PDSS2: variants seen among roughly 807,000 people sequenced by gnomAD.
PDSS2 encodes decaprenyl diphosphate synthase subunit 2.
A neutral mutation model predicts 44.5 loss-of-function variants in PDSS2; 31 were observed. The ratio of observed to expected loss-of-function variants is 0.70; its 90% CI spans 0.52 to 0.94. The LOEUF (loss-of-function observed/expected upper bound fraction) is 0.94, where lower values mean the gene tolerates loss of function less well. Ranked by LOEUF, PDSS2 falls within the 40% of genes least tolerant of loss-of-function variation. The probability of loss-of-function intolerance (pLI) is 0.00; values close to 1 mark genes in which losing one functional copy is unlikely to be tolerated. For synonymous variants in PDSS2, 157 were observed against 180.3 expected (o/e 0.87, Z 1.03); for missense variants, 452 against 482.2 (o/e 0.94, Z 0.59).
At chr6:107,218,557 G>T (rs1773494015) in intron 4 of PDSS2, among the ~76,000 whole-genome samples, 3 of 152,110 alleles carry the variant, frequency 2.0e-5, no homozygotes, top group Admixed American at 1.3e-4. Context: ...TTTGTTAAAT[G>T]AGTTATTGTC....
chr6:107,228,003 T>C (rs1215046058), intron 4 of PDSS2, among the ~76,000 whole-genome samples: 1 of 152,212 alleles, frequency 6.6e-6, no homozygotes. Context: ...TCTGAATGGC[T>C]TACTCTTGTC....
intron 2 of PDSS2, among the ~76,000 whole-genome samples, chr6:107,279,468 T>A (rs1775890923): frequency 6.6e-6 from 1 of 152,204 alleles, no homozygotes; most frequent in East Asian, 1.9e-4. Flanking sequence ...TTCACCAGGA[T>A]GAAATCAATA....
intron 3 of PDSS2, among the ~76,000 whole-genome samples, chr6:107,263,979 A>G (rs1775330125): frequency 6.6e-6 from 1 of 152,244 alleles, no homozygotes; most frequent in Non-Finnish European, 1.5e-5. Flanking sequence ...TGTATAAAAA[A>G]TATTAACCTT....
intron 2 of PDSS2, among the ~76,000 whole-genome samples, chr6:107,319,168 A>T (rs1408795453): frequency 1.3e-5 from 2 of 152,178 alleles, no homozygotes; most frequent in Non-Finnish European, 2.9e-5. Flanking sequence ...AAGTGGAAAA[A>T]TTAAACATGT....
intron 4 of PDSS2, among the ~76,000 whole-genome samples, chr6:107,212,868 G>A (rs537218898): frequency 6.6e-6 from 1 of 151,968 alleles, no homozygotes; most frequent in East Asian, 2.0e-4. Flanking sequence ...GCTAGGCAAG[G>A]GGGTGTGCCC....
intron 1 of PDSS2, among the ~76,000 whole-genome samples, chr6:107,405,805 C>G (rs1780297935): frequency 6.7e-6 from 1 of 150,102 alleles, no homozygotes; most frequent in Non-Finnish European, 1.5e-5. Flanking sequence ...CGAGATCCCG[C>G]CACTGCACTC....
chr6:107,261,585 T>C (rs1436219948), intron 3 of PDSS2, among the ~76,000 whole-genome samples: 20 of 149,890 alleles, frequency 1.3e-4, no homozygotes, highest in Middle Eastern at 6.8e-3. Flanking sequence ...TTTCTTTTTT[T>C]TTTTTTTTTT....
intron 7 of PDSS2, among the ~76,000 whole-genome samples, chr6:107,180,450 A>G (rs1046972366): frequency 6.6e-6 from 1 of 152,228 alleles, no homozygotes; most frequent in Non-Finnish European, 1.5e-5. Flanking sequence ...AAGAGGAACA[A>G]AGGTGGAATT....
chr6:107,452,956 C>T (rs143226128), intron 1 of PDSS2, among the ~76,000 whole-genome samples: 1 of 152,274 alleles, frequency 6.6e-6, no homozygotes, highest in African/African-American at 2.4e-5. Context: ...TGAGCCACCA[C>T]GCCTGGCCAG....
In PDSS2 at chr6:107,214,337, C is replaced by T. The variant is rs573267542; in HGVS notation, c.703-2055G>A. Among the ~76,000 whole-genome samples the T allele has an allele frequency of 5.2e-3, 786 of 152,096 alleles. 4 individuals carry two copies. The highest frequency in any genetic ancestry group is 8.9e-3 in the Non-Finnish European group (608 of 68,000). ...CGATCTCCTGACCTCGTGATCCGCC[C>T]GCCTCGGCCTCCCAAAGTGCTGGGA... On this transcript the variant is annotated intron_variant, in intron 4 of 7. Transcript: ENST00000369037.
intron 2 of PDSS2, among the ~76,000 whole-genome samples, chr6:107,305,592 G>C (rs1447159049): frequency 1.3e-5 from 2 of 152,118 alleles, no homozygotes; most frequent in Non-Finnish European, 2.9e-5. Flanking sequence ...GTTGTAAGGA[G>C]GAAATTCCAT....
intron 1 of PDSS2, among the ~76,000 whole-genome samples, chr6:107,453,833 T>C (rs1781950914): frequency 6.6e-6 from 1 of 152,116 alleles, no homozygotes; most frequent in Non-Finnish European, 1.5e-5. Flanking sequence ...AAACAAATAT[T>C]ATATAACTAC....
intron 1 of PDSS2, among the ~76,000 whole-genome samples, chr6:107,417,203 TAAAC>T (rs1780688667): frequency 1.3e-5 from 2 of 152,180 alleles, no homozygotes; most frequent in East Asian, 3.9e-4. Flanking sequence ...CATACAAAGA[TAAAC>T]AAATAAATAG....
chr6:107,172,211 A>G (rs77874487), intron 7 of PDSS2, among the ~76,000 whole-genome samples: 3,409 of 152,312 alleles, frequency 0.022, 127 homozygotes, highest in African/African-American at 0.076. Flanking sequence ...TGAATGATAC[A>G]TGTTGCTCTT....
intron 3 of PDSS2, among the ~76,000 whole-genome samples, chr6:107,256,902 C>G (rs2114859369): frequency 6.6e-6 from 1 of 151,968 alleles, no homozygotes; most frequent in East Asian, 1.9e-4. Flanking sequence ...ATAGAAGAGG[C>G]CAGGCGTGGT....
At chr6:107,270,331 C>T (rs1775559006) in intron 3 of PDSS2, among the ~76,000 whole-genome samples, 1 of 151,914 alleles carries the variant, frequency 6.6e-6, no homozygotes, top group Non-Finnish European at 1.5e-5. Context: ...AGGCTGGTCT[C>T]GAACTCCTGA....
intron 1 of PDSS2, among the ~76,000 whole-genome samples, chr6:107,421,804 C>G (rs1413619885): frequency 2.5e-5 from 2 of 81,226 alleles, no homozygotes; most frequent in African/African-American, 9.0e-5. Context: ...TAAAATTTCA[C>G]AGAACACACA....
intron 1 of PDSS2, among the ~76,000 whole-genome samples, chr6:107,418,020 T>C (rs1562526609): frequency 6.6e-6 from 1 of 152,026 alleles, no homozygotes; most frequent in South Asian, 2.1e-4. Flanking sequence ...AATAAAAATA[T>C]GCATATTAAA....
At chr6:107,427,879 G>A (rs1419742314) in intron 1 of PDSS2, among the ~76,000 whole-genome samples, 2 of 152,182 alleles carry the variant, frequency 1.3e-5, no homozygotes, top group Non-Finnish European at 2.9e-5. Context: ...TCAAACTGGA[G>A]TTGCTTCCAG....
Sources: allele counts gnomAD v4.1 joint callset (sites outside exome capture counted in the v4.1 genomes callset), GRCh38; gene constraint gnomAD v4.1.1; transcripts MANE v1.5; gene names NCBI Gene and HGNC (gene_info 2026-07-23, HGNC 2026-07-21).